ICAM5: variants seen among roughly 807,000 people sequenced by gnomAD.
ICAM5 encodes the protein intercellular adhesion molecule 5, also known as ICAM-5.
A neutral mutation model predicts 78.8 loss-of-function variants in ICAM5; 38 were observed. That is an observed-to-expected ratio of 0.48 (90% CI 0.37 to 0.63). The LOEUF (loss-of-function observed/expected upper bound fraction) is 0.63, where lower values mean the gene tolerates loss of function less well. ICAM5 is among the 30% of genes least tolerant of loss of function. The pLI, the probability that ICAM5 is intolerant of heterozygous loss-of-function variation, is 0.00. For missense variants in ICAM5, 1,059 were observed against 1,303.0 expected (o/e 0.81, Z 2.88); for synonymous variants, 544 against 590.9 (o/e 0.92, Z 1.15).
Position 10,293,203 on chromosome 19 carries a change from T to G in ICAM5, c.1422T>G (p.Asn474Lys). The change falls in exon 6 of 11, where the codon AAT becomes AAG. Residue 474 changes from asparagine (N) to lysine (K), a missense_variant. Physicochemically the swap from Asn to Lys is moderately conservative, Grantham distance 94. Transcript: ENST00000221980. This position sits in a 1 kb window ranked among gnomAD's most constrained non-coding sequence, Gnocchi z 5.0. ...LSGTYRCKAA[N>K]DQGEAVKDVT... ...GCACTTACCGCTGCAAGGCGGCCAATGATCAAGGCGAGGCGGTCAAGGACG... is the reference window on the plus strand; with the variant it reads ...GCACTTACCGCTGCAAGGCGGCCAAGGATCAAGGCGAGGCGGTCAAGGACG... 6.2e-7 allele frequency: 1 copy of G among 1,606,404 alleles called. No homozygotes were observed. The highest frequency in any genetic ancestry group is 8.5e-7 in the Non-Finnish European group (1 of 1,176,522).
chr19:10,295,683 G>T lies in ICAM5; in HGVS notation c.2497+71G>T, dbSNP rs983128900. On this transcript the variant is annotated intron_variant, in intron 10 of 10. Transcript: ENST00000221980. Reference sequence around the variant, plus strand: ...GCGTGACCTGGGTCTTGGGGCGGCCGGCCCCGCCTGCCTCCCTCTCGGTCC... The same window carrying T: ...GCGTGACCTGGGTCTTGGGGCGGCCTGCCCCGCCTGCCTCCCTCTCGGTCC... 1.7e-5 allele frequency: 25 copies of T among 1,444,674 alleles called. No individual in the cohort carries two copies. The African/African-American group carries it at 2.3e-4, about 13-fold the overall frequency. 89.5% of individuals were successfully genotyped at this position (1,444,674 alleles called of 1,614,324 possible). A position where few individuals can be genotyped will look rare whatever the true frequency, so the allele number is the denominator to read the frequency against.
rs372187269 is a variant in ICAM5 at position 10,292,306 on chromosome 19, G to C, written c.945G>C (p.Glu315Asp). Residue 315 changes from glutamate to aspartate, a missense_variant, in exon 4 of 11, where the codon GAG becomes GAC. By Grantham distance (45) the Glu-to-Asp change is conservative (BLOSUM62 2). Coordinates refer to ENST00000221980, the MANE Select transcript of ICAM5 (RefSeq NM_003259.4). ...GGGGCGAAAACCGGGAGACCCGGGA[G>C]AACGTGACCATCTACAGTAAGGAAG... is the stretch of plus-strand genomic sequence containing the variant. ...TLGGENRETR[E>D]NVTIYSFPAP... is the part of the protein sequence containing the mutation. The C allele has an allele frequency of 2.5e-6, 4 of 1,605,608 alleles. No individual in the cohort carries two copies. The highest frequency in any genetic ancestry group is 1.3e-5 in the African/African-American group (1 of 74,720).
rs2040207918 is a variant in ICAM5 at position 10,294,876 on chromosome 19, G to A, written c.2230+236G>A. Among the ~76,000 whole-genome samples the A allele has an allele frequency of 6.6e-6, 1 of 152,152 alleles. No homozygotes were observed. ...AGGCCAGGAGTTCGAGACCAGCCCG[G>A]CCAACATGGCGAAAACCCGTCTCTA... is the stretch of plus-strand genomic sequence containing the variant. On this transcript the variant is annotated intron_variant, in intron 9 of 10. Coordinates refer to ENST00000221980, the MANE Select transcript of ICAM5 (RefSeq NM_003259.4). The surrounding 1 kb of genome is among the most constrained non-coding windows in gnomAD (Gnocchi z 7.7).
rs1212439235 is a variant in ICAM5, at chr19:10,292,865, A to T, written c.1215A>T (p.Leu405=). 6.2e-7 allele frequency: 1 copy of T among 1,611,362 alleles called. No individual in the cohort carries two copies. Among genetic ancestry groups the T allele is most frequent in the South Asian group, 1.1e-5 (1 of 91,028 alleles). ...IKNRSAELRV[L]YAPRLDDSDC... ...ACAGGAGCGCAGAGCTTCGTGTCCT[A>T]TGTGAGTTGGTGATAACCCCTCGCC... The change falls in exon 5 of 11, where the codon CTA becomes CTT. Residue 405 remains leucine, a splice_region_variant and synonymous_variant. Transcript: ENST00000221980.
chr19:10,295,703 C>A lies in ICAM5; in HGVS notation c.2497+91C>A. 3 of 1,381,036 alleles carry A rather than the reference C, an allele frequency of 2.2e-6. No homozygotes were observed. In the Admixed American group the frequency reaches 7.2e-5, roughly 33 times the overall value. The allele number at this position is 1,381,036 out of a possible 1,614,324, so 85.5% of individuals were successfully genotyped here. ...CGGCCGGCCCCGCCTGCCTCCCTCT[C>A]GGTCCCGGTAGACTAGACGGAAGTG... On this transcript the variant is annotated intron_variant, in intron 10 of 10. Transcript: ENST00000221980.
chr19:10,296,118 C>A (rs2040218348), intron 10 of ICAM5, among the ~76,000 whole-genome samples: 1 of 152,100 alleles, frequency 6.6e-6, no homozygotes. Flanking sequence ...AGTGTGGTCA[C>A]GGGTTTATAT....
chr19:10,294,948 T>C lies in ICAM5; in HGVS notation c.2230+308T>C, dbSNP rs1775750513. Reference sequence around the variant, plus strand: ...GGTGGGCGCCTGTGGTCCCAGCTACTTGGGAGGCTGAGGCAGGAGAATCGC... The same window carrying C: ...GGTGGGCGCCTGTGGTCCCAGCTACCTGGGAGGCTGAGGCAGGAGAATCGC... On this transcript the variant is annotated intron_variant, in intron 9 of 10. Transcript: ENST00000221980. This position sits in a 1 kb window ranked among gnomAD's most constrained non-coding sequence, Gnocchi z 7.7. Among the ~76,000 whole-genome samples, 1 of 152,008 alleles carries C rather than the reference T, an allele frequency of 6.6e-6. No homozygotes were observed. Among genetic ancestry groups the C allele is most frequent in the African/African-American group, 2.4e-5 (1 of 41,398 alleles).
Position 10,290,195 on chromosome 19 carries a change from C to T in ICAM5, c.82+70C>T, listed in dbSNP as rs1243630904. The T allele has an allele frequency of 2.5e-6, 3 of 1,179,818 alleles. No individual in the cohort carries two copies. The highest frequency in any genetic ancestry group is 3.5e-6 in the Non-Finnish European group (3 of 864,122). 73.1% of individuals were successfully genotyped at this position (1,179,818 alleles called of 1,614,324 possible). A position where few individuals can be genotyped will look rare whatever the true frequency, so the allele number is the denominator to read the frequency against. ...GTCCCTGGACCTGAGAAACGGCCTC[C>T]TGTCCCTCCCAGCTCTGCCCTCGCC... On this transcript the variant is annotated intron_variant, in intron 1 of 10. Coordinates refer to ENST00000221980, the MANE Select transcript of ICAM5 (RefSeq NM_003259.4). The surrounding 1 kb of genome is among the most constrained non-coding windows in gnomAD (Gnocchi z 5.7).
At position 10,293,712 on chromosome 19, in the gene ICAM5, G is replaced by T. The variant is rs767567981; in HGVS notation, c.1480G>T (p.Asp494Tyr). 6.2e-7 allele frequency: 1 copy of T among 1,613,732 alleles called. No individual in the cohort carries two copies. Residue 494 changes from aspartate to tyrosine, a missense_variant, in exon 7 of 11, where the codon GAC becomes TAC. Coordinates refer to ENST00000221980, the MANE Select transcript of ICAM5 (RefSeq NM_003259.4). The surrounding 1 kb of genome is among the most constrained non-coding windows in gnomAD (Gnocchi z 5.0). ...CCCTCCTCCAGACGCACCAGCGCTG[G>T]ACAGCGTGGGCTGCCCAGAACGCAT... ...TLTVEYAPAL[D>Y]SVGCPERITW...
rs569458534 is a variant in ICAM5, at chr19:10,289,969, C to T, written c.-75C>T. 4 of 1,256,000 alleles carry T rather than the reference C, an allele frequency of 3.2e-6. No homozygotes were observed. In the South Asian group the frequency reaches 5.6e-5, roughly 18 times the overall value. The allele number at this position is 1,256,000 out of a possible 1,614,324, so 77.8% of individuals were successfully genotyped here. Reference sequence around the variant, plus strand: ...CCTCCCCCACACCCCACCCGCCGCGCCGCGCGGAGCCGTCCTCTAGCCCAG... The same window carrying T: ...CCTCCCCCACACCCCACCCGCCGCGTCGCGCGGAGCCGTCCTCTAGCCCAG... On this transcript the variant is annotated 5_prime_UTR_variant, in exon 1 of 11. Transcript: ENST00000221980.
chr19:10,294,486 C>A lies in ICAM5; in HGVS notation c.2076C>A (p.Ala692=), dbSNP rs756078267. ...AGGCTTCCGCGCTGGCCTGCGCCGC[C>A]CGGGGTCGCCCTTCCCCAGGAGTGC... ...GAEASALACA[A]RGRPSPGVRC... is the part of the protein sequence containing the mutation. The change falls in exon 9 of 11, where the codon GCC becomes GCA. Residue 692 remains alanine (A), a synonymous_variant. Coordinates refer to ENST00000221980, the MANE Select transcript of ICAM5 (RefSeq NM_003259.4). This position sits in a 1 kb window ranked among gnomAD's most constrained non-coding sequence, Gnocchi z 7.7. 9 of 1,607,142 alleles carry A rather than the reference C, an allele frequency of 5.6e-6. No homozygotes were observed. In the African/African-American group the frequency reaches 9.4e-5, roughly 17 times the overall value.
intron 10 of ICAM5, among the ~76,000 whole-genome samples, chr19:10,296,005 C>T (rs568660378): frequency 1.3e-5 from 2 of 152,070 alleles, no homozygotes; most frequent in African/African-American, 4.8e-5. Context: ...CTTCCTGAAG[C>T]TCCTGGGGCT....
chr19:10,295,917 C>A (rs1487502342), intron 10 of ICAM5, among the ~76,000 whole-genome samples: 1 of 152,088 alleles, frequency 6.6e-6, no homozygotes, highest in Non-Finnish European at 1.5e-5. Context: ...AATTCACAAT[C>A]CACTGTGGGG....
rs1308676347 is a variant in ICAM5, at chr19:10,291,121, C to T, written c.132C>T (p.Phe44=). ...FWADLQPRVA[F]VERGGSLWLN... is the part of the protein sequence containing the mutation. ...CGGACCTGCAGCCTCGCGTGGCGTT[C>T]GTGGAGCGCGGGGGCTCGCTGTGGC... is the stretch of plus-strand genomic sequence containing the variant. Residue 44 remains phenylalanine (F), a synonymous_variant, in exon 2 of 11, where the codon TTC becomes TTT. Transcript: ENST00000221980. 2 of 1,611,992 alleles carry T rather than the reference C, an allele frequency of 1.2e-6. No individual in the cohort carries two copies. Among genetic ancestry groups the T allele is most frequent in the African/African-American group, 1.3e-5 (1 of 74,936 alleles).
Position 10,292,316 on chromosome 19 carries a change from A to G in ICAM5, c.955A>G (p.Ile319Val). ...CCGGGAGACCCGGGAGAACGTGACC[A>G]TCTACAGTAAGGAAGGAGGCGGGGT... The part of the protein sequence containing the change: ...ENRETRENVT[I>V]YSFPAPLLTL... Residue 319 changes from isoleucine to valine, a missense_variant, in exon 4 of 11, where the codon ATC becomes GTC. Ile to Val is a conservative substitution (Grantham distance 29). Coordinates refer to ENST00000221980, the MANE Select transcript of ICAM5 (RefSeq NM_003259.4). 3 of 1,598,592 alleles carry G rather than the reference A, an allele frequency of 1.9e-6. No homozygotes were observed. The highest frequency in any genetic ancestry group is 2.6e-6 in the Non-Finnish European group (3 of 1,174,070).
rs1299876219 is a variant in ICAM5 at position 10,291,878 on chromosome 19, A to AT, written c.673+70dup. 4 of 1,524,900 alleles carry AT rather than the reference A, an allele frequency of 2.6e-6. No homozygotes were observed. The African/African-American group carries it at 5.5e-5, about 21-fold the overall frequency. 94.5% of individuals were successfully genotyped at this position (1,524,900 alleles called of 1,614,324 possible). A position where few individuals can be genotyped will look rare whatever the true frequency, so the allele number is the denominator to read the frequency against. On this transcript the variant is annotated intron_variant, in intron 3 of 10. Transcript: ENST00000221980. ...CGGTGTTTAGGAGGTTTAGAGGTAG[A>AT]TACATCTGAATGCTGACCCCGACTT... is the stretch of plus-strand genomic sequence containing the variant.
rs976570222 is a variant in ICAM5, at chr19:10,290,933, A to G, written c.83-139A>G. On this transcript the variant is annotated intron_variant, in intron 1 of 10. Coordinates refer to ENST00000221980, the MANE Select transcript of ICAM5 (RefSeq NM_003259.4). The surrounding 1 kb of genome is among the most constrained non-coding windows in gnomAD (Gnocchi z 5.7). ...CCTTTAAACCGGAGGCCTGGGCAGG[A>G]CGCGGGACGCCTGGGTTCTTTCCCT... 86 of 1,156,682 alleles carry G rather than the reference A, an allele frequency of 7.4e-5. No individual in the cohort carries two copies. The highest frequency in any genetic ancestry group is 3.0e-4 in the Middle Eastern group (1 of 3,356). 71.7% of individuals were successfully genotyped at this position (1,156,682 alleles called of 1,614,324 possible).
Position 10,293,811 on chromosome 19 carries a change from G to C in ICAM5, c.1579G>C (p.Val527Leu). The change falls in exon 7 of 11, where the codon GTG becomes CTG. Residue 527 changes from valine (V) to leucine (L), a missense_variant. Around this residue, in one of 3 missense-constraint regions of ICAM5, gnomAD observed 815 missense variants for 952.8 expected, o/e 0.86. Transcript: ENST00000221980. The surrounding 1 kb of genome is among the most constrained non-coding windows in gnomAD (Gnocchi z 5.0). Reference sequence around the variant, plus strand: ...GGTACCGCCGCCTGATGTGATCTGCGTGCGCTCTGGAGAACTCGGGGCCGT... The same window carrying C: ...GGTACCGCCGCCTGATGTGATCTGCCTGCGCTCTGGAGAACTCGGGGCCGT... ...HGVPPPDVIC[V>L]RSGELGAVIE... 1.2e-6 allele frequency: 2 copies of C among 1,613,570 alleles called. No homozygotes were observed. The highest frequency in any genetic ancestry group is 1.7e-6 in the Non-Finnish European group (2 of 1,180,032).
At chr19:10,295,946 A>G (rs2040216902) in intron 10 of ICAM5, among the ~76,000 whole-genome samples, 1 of 151,952 alleles carries the variant, frequency 6.6e-6, no homozygotes, top group Non-Finnish European at 1.5e-5. Flanking sequence ...GGAGGGACCA[A>G]AGTCATTGGA....
Sources: allele counts gnomAD v4.1 joint callset (sites outside exome capture counted in the v4.1 genomes callset), GRCh38; gene constraint gnomAD v4.1.1; regional missense constraint gnomAD v4.1.1; non-coding constraint Gnocchi (gnomAD v3.1); transcripts MANE v1.5; gene names NCBI Gene and HGNC (gene_info 2026-07-23, HGNC 2026-07-21).